The following C7orf78 variants were observed in gnomAD, a reference collection of about 807,000 sequenced individuals.
C7orf78 encodes chromosome 7 open reading frame 78.
At chr7:12,498,336 A>G in the C7orf78 span, among the ~76,000 whole-genome samples, 1 of 151,550 alleles carries the variant, frequency 6.6e-6, no homozygotes, top group Non-Finnish European at 1.5e-5. Context: ...AAAACTTTGA[A>G]AAAAATTTAG....
At chr7:12,514,167 A>G in the C7orf78 span, among the ~76,000 whole-genome samples, 1,223 of 152,174 alleles carry the variant, frequency 8.0e-3, 25 homozygotes, top group African/African-American at 0.028. Flanking sequence ...CACTATTATT[A>G]TATTGGAATC....
the C7orf78 span, among the ~76,000 whole-genome samples, chr7:12,506,355 C>T: frequency 1.6e-3 from 211 of 131,058 alleles, no homozygotes; most frequent in African/African-American, 5.2e-3. Flanking sequence ...ATGTTTATTA[C>T]GGCACTATTC....
the C7orf78 span, among the ~76,000 whole-genome samples, chr7:12,510,856 CTT>C: frequency 1.3e-5 from 2 of 152,226 alleles, no homozygotes; most frequent in Admixed American, 6.5e-5. Context: ...TCCCATCACT[CTT>C]GTTTATTTTG....
At chr7:12,498,741 A>G in the C7orf78 span, among the ~76,000 whole-genome samples, 10 of 149,860 alleles carry the variant, frequency 6.7e-5, no homozygotes, top group African/African-American at 2.5e-4. Flanking sequence ...GAACGCCGCA[A>G]AGATACTCCT....
the C7orf78 span, among the ~76,000 whole-genome samples, chr7:12,509,992 C>G: frequency 2.0e-5 from 3 of 150,084 alleles, no homozygotes; most frequent in Non-Finnish European, 2.9e-5. Flanking sequence ...TGAGACCACG[C>G]CATTGCACTC....
the C7orf78 span, among the ~76,000 whole-genome samples, chr7:12,522,500 C>T: frequency 6.6e-6 from 1 of 152,116 alleles, no homozygotes; most frequent in Non-Finnish European, 1.5e-5. Flanking sequence ...ATTTCACATA[C>T]TTTCTACTTC....
the C7orf78 span, among the ~76,000 whole-genome samples, chr7:12,511,445 C>T: frequency 6.6e-6 from 1 of 152,054 alleles, no homozygotes; most frequent in Non-Finnish European, 1.5e-5. Context: ...ATTCCATTGA[C>T]TTTGTAGATT....
At chr7:12,488,703 T>G in the C7orf78 span, among the ~76,000 whole-genome samples, 1 of 151,998 alleles carries the variant, frequency 6.6e-6, no homozygotes, top group Non-Finnish European at 1.5e-5. Context: ...GGACATTCAA[T>G]GAGGATAAAT....
chr7:12,509,347 G>A, the C7orf78 span, among the ~76,000 whole-genome samples: 1 of 152,080 alleles, frequency 6.6e-6, no homozygotes, highest in South Asian at 2.1e-4. Context: ...TTTTGCTTTG[G>A]AAAGATCTTA....
chr7:12,516,479 C>A, the C7orf78 span, among the ~76,000 whole-genome samples: 1 of 152,240 alleles, frequency 6.6e-6, no homozygotes, highest in Non-Finnish European at 1.5e-5. Flanking sequence ...AGGCCCCACA[C>A]AGAGTCCCCA....
the C7orf78 span, among the ~76,000 whole-genome samples, chr7:12,519,322 C>G: frequency 6.6e-6 from 1 of 152,194 alleles, no homozygotes; most frequent in Middle Eastern, 3.2e-3. Flanking sequence ...AGACAAGCAG[C>G]CCTCTCTTGC....
At chr7:12,499,395 C>A in the C7orf78 span, among the ~76,000 whole-genome samples, 313 of 150,368 alleles carry the variant, frequency 2.1e-3, 2 homozygotes, top group African/African-American at 7.0e-3. Flanking sequence ...ATCTACCAAG[C>A]AAATGGAAAA....
chr7:12,534,181 A>G, the C7orf78 span, among the ~76,000 whole-genome samples: 1 of 152,170 alleles, frequency 6.6e-6, no homozygotes, highest in African/African-American at 2.4e-5. Context: ...GATTTTCAAC[A>G]TTTCATTTGT....
At chr7:12,521,650 T>TC in the C7orf78 span, among the ~76,000 whole-genome samples, 1 of 150,820 alleles carries the variant, frequency 6.6e-6, no homozygotes, top group Non-Finnish European at 1.5e-5. Flanking sequence ...TGGGCTTTTT[T>TC]TTTTTTTTTT....
chr7:12,531,695 T>A, the C7orf78 span, among the ~76,000 whole-genome samples: 1 of 152,196 alleles, frequency 6.6e-6, no homozygotes, highest in Non-Finnish European at 1.5e-5. Flanking sequence ...GTAATAATAG[T>A]ACCAACTTTG....
chr7:12,506,737 G>A, the C7orf78 span: 32 of 296,866 alleles, frequency 1.1e-4, no homozygotes, highest in Admixed American at 4.4e-4. Context: ...ACATGTATAC[G>A]TATGTAACAA....
chr7:12,533,818 C>T, the C7orf78 span, among the ~76,000 whole-genome samples: 2 of 152,204 alleles, frequency 1.3e-5, no homozygotes, highest in South Asian at 4.1e-4. Context: ...ACCTAGCCCC[C>T]AGCCACCAAA....
the C7orf78 span, among the ~76,000 whole-genome samples, chr7:12,537,604 C>T: frequency 2.0e-5 from 3 of 152,090 alleles, no homozygotes; most frequent in African/African-American, 7.2e-5. Flanking sequence ...ACCTATGACA[C>T]AAAATTCCAT....
the C7orf78 span, among the ~76,000 whole-genome samples, chr7:12,514,872 G>A: frequency 1.3e-5 from 2 of 152,120 alleles, no homozygotes; most frequent in Non-Finnish European, 2.9e-5. Flanking sequence ...TATCCTGTAT[G>A]AAGGATAATT....
Sources: gnomAD v4.1 joint callset for allele counts (sites outside exome capture counted in the v4.1 genomes callset) on GRCh38, gnomAD v4.1.1 for gene constraint, MANE v1.5 for transcripts, NCBI Gene and HGNC (gene_info 2026-07-23, HGNC 2026-07-21) for gene names.